Variants in MCOLN1 observed in about 807,000 individuals in gnomAD.
MCOLN1 encodes the protein mucolipin-1.
A neutral mutation model predicts 70.3 loss-of-function variants in MCOLN1; 50 were observed. The observed-to-expected ratio is 0.71, with a 90% CI of 0.57 to 0.90. MCOLN1 has a LOEUF of 0.90. MCOLN1 is among the 40% of genes least tolerant of loss of function. The probability of loss-of-function intolerance (pLI) is 0.00; values close to 1 mark genes in which losing one functional copy is unlikely to be tolerated. For synonymous variants in MCOLN1, 366 were observed against 341.0 expected, an observed-to-expected ratio of 1.07 and a Z score of -0.81; for missense variants, 598 against 803.5, an observed-to-expected ratio of 0.74 and a Z score of 3.09.
Position 7,533,447 on chromosome 19 carries a change from G to T in MCOLN1, c.1576-76G>T, listed in dbSNP as rs978155337. Reference sequence around the variant, plus strand: ...GTGGGAAGCGATGCAGATATGGCTGGAGGGGAGGGCGGACTTCAAGGGCCT... The same window carrying T: ...GTGGGAAGCGATGCAGATATGGCTGTAGGGGAGGGCGGACTTCAAGGGCCT... On this transcript the variant is annotated intron_variant, in intron 12 of 13. Coordinates refer to ENST00000264079, the MANE Select transcript of MCOLN1 (RefSeq NM_020533.3). 88 of 1,587,510 alleles carry T rather than the reference G, an allele frequency of 5.5e-5. No individual in the cohort carries two copies. In the African/African-American group the frequency reaches 1.1e-3, roughly 20 times the overall value.
In MCOLN1 at chr19:7,528,910, C is replaced by T. The variant is rs535003448; in HGVS notation, c.1074C>T (p.Leu358=). The change falls in exon 9 of 14, where the codon CTC becomes CTT. Residue 358 remains leucine, a synonymous_variant. Transcript: ENST00000264079. The surrounding 1 kb of genome is among the most constrained non-coding windows in gnomAD (Gnocchi z 4.2). ...LEFVNGWYIL[L]VTSDVLTISG... is the part of the protein sequence containing the mutation. ...TTGTCAATGGCTGGTACATCCTGCT[C>T]GTCACCAGCGATGTGCTCACCATCT... 9.9e-6 allele frequency: 16 copies of T among 1,614,114 alleles called. No individual in the cohort carries two copies. Among genetic ancestry groups the T allele is most frequent in the Admixed American group, 6.7e-5 (4 of 60,026 alleles).
At position 7,533,798 on chromosome 19, in the gene MCOLN1, C is replaced by G. The variant is rs758421710; in HGVS notation, c.*3C>G. 1.4e-5 allele frequency: 22 copies of G among 1,614,032 alleles called. No individual in the cohort carries two copies. The highest frequency in any genetic ancestry group is 3.3e-5 in the South Asian group (3 of 91,090). ...AGCATTCGCTGCTGGTGAATTGATT[C>G]GACCTGACTGCCGTTGGACCGTAGG... On this transcript the variant is annotated 3_prime_UTR_variant, in exon 14 of 14. Coordinates refer to ENST00000264079, the MANE Select transcript of MCOLN1 (RefSeq NM_020533.3).
intron 12 of MCOLN1, among the ~76,000 whole-genome samples, chr19:7,532,850 G>T (rs1470972532): frequency 6.6e-6 from 1 of 152,214 alleles, no homozygotes; most frequent in Non-Finnish European, 1.5e-5. Context: ...GGACAGCATA[G>T]ATATTGAATA....
In MCOLN1 at chr19:7,527,510, C is replaced by T. The variant is rs766357914; in HGVS notation, c.572-10C>T. 1 of 1,336,538 alleles carries T rather than the reference C, an allele frequency of 7.5e-7. No individual in the cohort carries two copies. The highest frequency in any genetic ancestry group is 1.4e-5 in the African/African-American group (1 of 69,712). 82.8% of individuals were successfully genotyped at this position (1,336,538 alleles called of 1,614,324 possible). The stretch of plus-strand genomic sequence containing the variant: ...CCCCCTGAGGCCCTTCCCTGACTCC[C>T]TGTCCTTAGACTGCATCCAGGTGGA... On this transcript the variant is annotated splice_polypyrimidine_tract_variant and intron_variant, in intron 4 of 13. Transcript: ENST00000264079.
In MCOLN1 at chr19:7,533,559, C is replaced by A; in HGVS notation, c.1612C>A (p.Gln538Lys). Residue 538 changes from glutamine to lysine, a missense_variant, in exon 13 of 14, where the codon CAG becomes AAG. Coordinates refer to ENST00000264079, the MANE Select transcript of MCOLN1 (RefSeq NM_020533.3). ...GGAGAEESEL[Q>K]AYIAQCQDSP... ...CGCAGGCGCAGAGGAGAGCGAGCTG[C>A]AGGCCTACATCGCACAGTGCCAGGA... is the stretch of plus-strand genomic sequence containing the variant. 1 of 1,612,158 alleles carries A rather than the reference C, an allele frequency of 6.2e-7. No individual in the cohort carries two copies. Among genetic ancestry groups the A allele is most frequent in the Non-Finnish European group, 8.5e-7 (1 of 1,179,936 alleles).
rs762560191 is a variant in MCOLN1 at position 7,528,961 on chromosome 19, C to T, written c.1125C>T (p.Ile375=). 21 of 1,613,980 alleles carry T rather than the reference C, an allele frequency of 1.3e-5. No homozygotes were observed. Among genetic ancestry groups the T allele is most frequent in the African/African-American group, 4.0e-5 (3 of 74,918 alleles). The change falls in exon 9 of 14, where the codon ATC becomes ATT. Residue 375 remains isoleucine (I), a synonymous_variant. Transcript: ENST00000264079. The surrounding 1 kb of genome is among the most constrained non-coding windows in gnomAD (Gnocchi z 4.2). ...TISGTIMKIG[I]EAKNLASYDV... ...CGGGCACCATCATGAAGATCGGCAT[C>T]GAGGCCAAGGTGCGTCCTGCCAACA... is the stretch of plus-strand genomic sequence containing the variant.
intron 1 of MCOLN1, among the ~76,000 whole-genome samples, chr19:7,523,424 G>A (rs2022522860): frequency 6.6e-6 from 1 of 152,216 alleles, no homozygotes; most frequent in South Asian, 2.1e-4. Flanking sequence ...TAGGGTCTGG[G>A]GTGGGTTAGC....
chr19:7,527,876 C>T lies in MCOLN1; in HGVS notation c.693C>T (p.Val231=). 1 of 1,613,806 alleles carries T rather than the reference C, an allele frequency of 6.2e-7. No homozygotes were observed. The change falls in exon 6 of 14, where the codon GTC becomes GTT. Residue 231 remains valine (V), a synonymous_variant. Transcript: ENST00000264079. ...LTLKFHKLVN[V]TIHFRLKTIN... ...GCCTCCTGCCTAGGCTGGTCAATGT[C>T]ACCATCCACTTCCGGCTGAAGACCA... is the stretch of plus-strand genomic sequence containing the variant.
rs536694726 is a variant in MCOLN1, at chr19:7,525,071, T to C, written c.142T>C (p.Phe48Leu). 1.2e-6 allele frequency: 2 copies of C among 1,614,142 alleles called. No homozygotes were observed. Among genetic ancestry groups the C allele is most frequent in the South Asian group, 1.1e-5 (1 of 91,088 alleles). The change falls in exon 2 of 14, where the codon TTT becomes CTT. Residue 48 changes from phenylalanine (F) to leucine (L), a missense_variant. Around this residue, in one of 3 missense-constraint regions of MCOLN1, gnomAD observed 461 missense variants for 588.4 expected, o/e 0.78. Coordinates refer to ENST00000264079, the MANE Select transcript of MCOLN1 (RefSeq NM_020533.3). The surrounding 1 kb of genome is among the most constrained non-coding windows in gnomAD (Gnocchi z 4.2). ...AGACCTTCGCCGTCGTCTCAAATAC[T>C]TTTTCATGAGTCCCTGCGACAAGTT... ...EEDLRRRLKY[F>L]FMSPCDKFRA...
In MCOLN1 at chr19:7,526,872, G is replaced by A; in HGVS notation, c.517G>A (p.Gly173Ser). Residue 173 changes from glycine to serine, a missense_variant, in exon 4 of 14, where the codon GGC becomes AGC. Coordinates refer to ENST00000264079, the MANE Select transcript of MCOLN1 (RefSeq NM_020533.3). The surrounding 1 kb of genome is among the most constrained non-coding windows in gnomAD (Gnocchi z 4.6). Reference protein sequence around the residue: ...LALCQRYYHRGHVDPANDTFD... With the variant: ...LALCQRYYHRSHVDPANDTFD... ...TCTCTGCCAGCGGTACTACCACCGA[G>A]GCCACGTGGACCCGGCCAACGACAC... is the stretch of plus-strand genomic sequence containing the variant. 2 of 1,614,182 alleles carry A rather than the reference G, an allele frequency of 1.2e-6. No homozygotes were observed. The highest frequency in any genetic ancestry group is 1.7e-6 in the Non-Finnish European group (2 of 1,180,036).
chr19:7,527,608 C>T lies in MCOLN1; in HGVS notation c.660C>T (p.Asn220=), dbSNP rs1055156060. 1.9e-6 allele frequency: 3 copies of T among 1,613,288 alleles called. No homozygotes were observed. In the African/African-American group the frequency reaches 4.0e-5, roughly 22 times the overall value. ...TLLESSSSYK[N]LTLKFHKLVN... ...TGGAAAGCAGCTCCAGTTACAAGAACCTCACGCTCAAATTCCACAAGTACT... is the reference window on the plus strand; with the variant it reads ...TGGAAAGCAGCTCCAGTTACAAGAATCTCACGCTCAAATTCCACAAGTACT... Residue 220 remains asparagine (N), a synonymous_variant, in exon 5 of 14, where the codon AAC becomes AAT. Transcript: ENST00000264079.
chr19:7,532,413 T>C (rs2022666481), intron 12 of MCOLN1, among the ~76,000 whole-genome samples: 1 of 151,948 alleles, frequency 6.6e-6, no homozygotes, highest in South Asian at 2.1e-4. Flanking sequence ...ATTTAAATTT[T>C]GATTTTAATT....
intron 5 of MCOLN1, 108 bp downstream of exon 5, chr19:7,527,736 C>A: frequency 9.2e-7 from 1 of 1,081,458 alleles, no homozygotes; most frequent in Non-Finnish European, 1.4e-6. Flanking sequence ...CCCCCGCCCG[C>A]GCTGGTGCCT....
At chr19:7,527,669 G>A in intron 5 of MCOLN1, 41 bp downstream of exon 5, 1 of 1,398,960 alleles carries the variant, frequency 7.1e-7, no homozygotes, top group Non-Finnish European at 1.0e-6. Flanking sequence ...GGTGGGGGAG[G>A]CAGCACACTA....
chr19:7,527,434 C>T, intron 4 of MCOLN1, 86 bp from the exon 5 acceptor site: 1 of 776,732 alleles, frequency 1.3e-6, no homozygotes, highest in South Asian at 1.3e-5. Context: ...TGGGGAAGCA[C>T]AGGGAAGAAG....
At position 7,527,929 on chromosome 19, in the gene MCOLN1, A is replaced by T; in HGVS notation, c.746A>T (p.Glu249Val). Residue 249 changes from glutamate to valine, a missense_variant, in exon 6 of 14, where the codon GAG (glutamate) becomes GTG (valine). This residue lies in a region of MCOLN1 where 461 missense variants were observed against 588.4 expected (regional missense o/e 0.78). Coordinates refer to ENST00000264079, the MANE Select transcript of MCOLN1 (RefSeq NM_020533.3). Reference protein sequence around the residue: ...TINLQSLINNEIPDCYTFSVL... With the variant: ...TINLQSLINNVIPDCYTFSVL... ...AACCTCCAGAGCCTCATCAATAATG[A>T]GATCCCGGACTGCTATACCTTCAGC... is the stretch of plus-strand genomic sequence containing the variant. The T allele has an allele frequency of 6.2e-7, 1 of 1,614,162 alleles. No individual in the cohort carries two copies. Among genetic ancestry groups the T allele is most frequent in the Non-Finnish European group, 8.5e-7 (1 of 1,180,020 alleles).
In MCOLN1 at chr19:7,533,658, G is replaced by A; in HGVS notation, c.1706+5G>A. The A allele has an allele frequency of 1.2e-6, 2 of 1,613,826 alleles. No homozygotes were observed. Among genetic ancestry groups the A allele is most frequent in the Non-Finnish European group, 1.7e-6 (2 of 1,179,980 alleles). On this transcript the variant is annotated splice_donor_5th_base_variant and intron_variant, in intron 13 of 13. Transcript: ENST00000264079. Reference sequence around the variant, plus strand: ...CCTTCTCTGCTGCTGCGGAAGGTTCGAGTCCCGGGTCTGGCACATTCAGAT... The same window carrying A: ...CCTTCTCTGCTGCTGCGGAAGGTTCAAGTCCCGGGTCTGGCACATTCAGAT...
At chr19:7,530,589 C>A in intron 12 of MCOLN1, 88 bp downstream of exon 12, 1 of 1,212,212 alleles carries the variant, frequency 8.2e-7, no homozygotes, top group Non-Finnish European at 1.2e-6. Flanking sequence ...GCAGGGTGAA[C>A]AGAGAAGACC....
Position 7,524,928 on chromosome 19 carries a change from GC to G in MCOLN1, c.32-31del. The stretch of plus-strand genomic sequence containing the variant: ...AAAGGGGAAAAGGGGAGTTGCCCAG[GC>G]CTCACCCCAGTGCCCTCTCCTATTC... On this transcript the variant is annotated intron_variant, in intron 1 of 13. Transcript: ENST00000264079. The surrounding 1 kb of genome is among the most constrained non-coding windows in gnomAD (Gnocchi z 4.1). 1 of 1,583,222 alleles carries G rather than the reference GC, an allele frequency of 6.3e-7. No individual in the cohort carries two copies.
Sources: gnomAD v4.1 joint callset for allele counts (sites outside exome capture counted in the v4.1 genomes callset) on GRCh38, gnomAD v4.1.1 for gene constraint, gnomAD v4.1.1 regional missense constraint, Gnocchi (gnomAD v3.1) non-coding constraint, MANE v1.5 for transcripts, NCBI Gene and HGNC (gene_info 2026-07-23, HGNC 2026-07-21) for gene names.